Variants in PALM2AKAP2 observed in about 807,000 individuals in gnomAD.
PALM2AKAP2 encodes the protein PALM2 and AKAP2 fusion, also known as PALM2-AKAP2 fusion protein.
Under a neutral mutation model 71.5 loss-of-function variants are expected in PALM2AKAP2, and 37 were observed. The observed-to-expected ratio is 0.52, with a 90% CI of 0.40 to 0.68. The LOEUF (loss-of-function observed/expected upper bound fraction) is 0.68. PALM2AKAP2 is among the 30% of genes least tolerant of loss of function. PALM2AKAP2 has a pLI of 0.00. For synonymous variants in PALM2AKAP2, 468 were observed against 478.8 expected, an observed-to-expected ratio of 0.98 and a Z score of 0.29; for missense variants, 1,224 against 1,191.8, an observed-to-expected ratio of 1.03 and a Z score of -0.40.
chr9:109,881,987 G>A (rs1455471862), intron 3 of PALM2AKAP2, among the ~76,000 whole-genome samples: 6 of 146,976 alleles, frequency 4.1e-5, no homozygotes, highest in African/African-American at 9.9e-5. Context: ...GGGTTCAAGC[G>A]ATTCTCCTGC....
intron 1 of PALM2AKAP2, among the ~76,000 whole-genome samples, chr9:109,808,963 G>A (rs1827652980): frequency 6.6e-6 from 1 of 152,256 alleles, no homozygotes; most frequent in Non-Finnish European, 1.5e-5. Context: ...CAGGTGCACA[G>A]AAGTCAAGAA....
intron 2 of PALM2AKAP2, among the ~76,000 whole-genome samples, chr9:110,155,425 C>A (rs1391189828): frequency 6.6e-6 from 1 of 152,150 alleles, no homozygotes; most frequent in Non-Finnish European, 1.5e-5. Flanking sequence ...ATAAACCCAC[C>A]CCATGAAGGG....
chr9:110,013,573 A>G (rs1260820963), intron 6 of PALM2AKAP2, among the ~76,000 whole-genome samples: 2 of 152,210 alleles, frequency 1.3e-5, no homozygotes, highest in Non-Finnish European at 2.9e-5. Context: ...ATTCCTTGAG[A>G]AGAAAGTGTA....
chr9:109,675,525 G>A (rs1231782693), intron 1 of PALM2AKAP2, among the ~76,000 whole-genome samples: 2 of 152,196 alleles, frequency 1.3e-5, no homozygotes, highest in East Asian at 1.9e-4. Flanking sequence ...GTTGGCATAC[G>A]TATTTAGTTT....
At chr9:110,111,990 A>G (rs761812310) in intron 1 of PALM2AKAP2, among the ~76,000 whole-genome samples, 1 of 152,076 alleles carries the variant, frequency 6.6e-6, no homozygotes, top group Non-Finnish European at 1.5e-5. Context: ...ACGGAATGGC[A>G]GCTCTCTGCT....
intron 1 of PALM2AKAP2, among the ~76,000 whole-genome samples, chr9:109,711,552 G>A (rs911178453): frequency 6.6e-6 from 1 of 152,242 alleles, no homozygotes; most frequent in African/African-American, 2.4e-5. Context: ...TGGTTAGTGA[G>A]TCTGAGTTGA....
At chr9:109,989,679 G>T (rs1052760828) in intron 6 of PALM2AKAP2, among the ~76,000 whole-genome samples, 3 of 152,218 alleles carry the variant, frequency 2.0e-5, no homozygotes, top group African/African-American at 7.2e-5. Flanking sequence ...GAAGGATAGA[G>T]CAAGCCCTGC....
intron 1 of PALM2AKAP2, among the ~76,000 whole-genome samples, chr9:109,826,404 T>C (rs1014987504): frequency 2.0e-5 from 3 of 152,140 alleles, no homozygotes; most frequent in Non-Finnish European, 4.4e-5. Flanking sequence ...AGTTTTGTTT[T>C]GTATCATGAA....
chr9:110,166,666 C>CTG (rs1476726101), intron 3 of PALM2AKAP2, among the ~76,000 whole-genome samples: 1 of 152,134 alleles, frequency 6.6e-6, no homozygotes, highest in African/African-American at 2.4e-5. Context: ...CTTAACAATG[C>CTG]ATCATTCATT....
At chr9:110,103,736 C>T (rs1355719278) in intron 1 of PALM2AKAP2, among the ~76,000 whole-genome samples, 2 of 152,210 alleles carry the variant, frequency 1.3e-5, no homozygotes, top group African/African-American at 4.8e-5. Flanking sequence ...ATCCATGTGG[C>T]ACACATACAT....
intron 1 of PALM2AKAP2, among the ~76,000 whole-genome samples, chr9:110,058,897 G>GTTTTTTTTTT (rs1833901361): frequency 4.4e-5 from 5 of 113,454 alleles, no homozygotes; most frequent in African/African-American, 1.5e-4. Context: ...AAAGTTTTTT[G>GTTTTTTTTTT]GTTTTTTTTT....
rs79656928 is a variant in PALM2AKAP2, at chr9:110,103,148, C to T, written c.157-32979C>T. 3.6e-3 allele frequency among the ~76,000 whole-genome samples: 549 copies of T among 152,298 alleles called. 6 individuals carry two copies. Among genetic ancestry groups the T allele is most frequent in the African/African-American group, 0.012 (518 of 41,566 alleles). ...GTAGCCCAAACTCTCCTATTGTAGGCACTCTCAGAGCGCTTCTCATAGATG... is the reference window on the plus strand; with the variant it reads ...GTAGCCCAAACTCTCCTATTGTAGGTACTCTCAGAGCGCTTCTCATAGATG... On this transcript the variant is annotated intron_variant, in intron 1 of 3. Coordinates refer to ENST00000374525, the Ensembl canonical transcript of PALM2AKAP2.
chr9:109,797,114 A>G (rs558765315), intron 1 of PALM2AKAP2, among the ~76,000 whole-genome samples: 3 of 151,726 alleles, frequency 2.0e-5, no homozygotes, highest in African/African-American at 7.3e-5. Flanking sequence ...TACCTCTTTT[A>G]CCTTCTTGGG....
chr9:109,943,532 C>T, intron 6 of PALM2AKAP2: 1 of 1,434,340 alleles, frequency 7.0e-7, no homozygotes, highest in Non-Finnish European at 9.3e-7. Context: ...CAAACACCTG[C>T]CTTGCCTTGC....
At chr9:109,732,973 A>T (rs1367951398) in intron 1 of PALM2AKAP2, among the ~76,000 whole-genome samples, 1 of 152,170 alleles carries the variant, frequency 6.6e-6, no homozygotes, top group Non-Finnish European at 1.5e-5. Context: ...AGAATGAGGC[A>T]TGCATGGTAA....
chr9:109,741,857 C>T (rs1393811497), intron 1 of PALM2AKAP2, among the ~76,000 whole-genome samples: 2 of 152,166 alleles, frequency 1.3e-5, no homozygotes. Flanking sequence ...ACTGTATTTT[C>T]CCATTGAATT....
At chr9:109,663,197 G>A (rs566121907) in intron 1 of PALM2AKAP2, among the ~76,000 whole-genome samples, 4 of 152,044 alleles carry the variant, frequency 2.6e-5, no homozygotes, top group South Asian at 2.1e-4. Flanking sequence ...TTTCAGTTCT[G>A]CTCTGATCTT....
chr9:110,160,626 C>T lies in PALM2AKAP2; in HGVS notation c.2748+4129C>T, dbSNP rs1027367124. On this transcript the variant is annotated intron_variant, in intron 3 of 3. Coordinates refer to ENST00000374525, the Ensembl canonical transcript of PALM2AKAP2. ...TGTATTTAGGCAAACAGTATTTTTC[C>T]AGCCAATTGTTTCCCTAACCTGACC... Among the ~76,000 whole-genome samples, 5 of 152,138 alleles carry T rather than the reference C, an allele frequency of 3.3e-5. No individual in the cohort carries two copies. In the East Asian group the frequency reaches 9.6e-4, roughly 29 times the overall value.
intron 1 of PALM2AKAP2, among the ~76,000 whole-genome samples, chr9:109,800,371 T>A (rs537741759): frequency 6.6e-6 from 1 of 152,346 alleles, no homozygotes; most frequent in African/African-American, 2.4e-5. Flanking sequence ...GAGGAATTCT[T>A]ATCACTGTTT....
Sources: allele counts gnomAD v4.1 joint callset (sites outside exome capture counted in the v4.1 genomes callset), GRCh38; gene constraint gnomAD v4.1.1; transcripts MANE v1.5; gene names NCBI Gene and HGNC (gene_info 2026-07-23, HGNC 2026-07-21).